Variants in LRP1 observed in about 807,000 individuals in gnomAD.
The protein encoded by LRP1 is prolow-density lipoprotein receptor-related protein 1.
LRP1 carries 51 observed loss-of-function variants against 541.5 expected under a neutral mutation model. The observed-to-expected ratio is 0.09, with a 90% CI of 0.08 to 0.12. The LOEUF is 0.12. Among genes scored for constraint, LRP1 ranks in the 10% least tolerant of loss-of-function variants. LRP1 has a pLI of 1.00. For missense variants in LRP1, 3,878 were observed against 6,376.2 expected (o/e 0.61, Z 13.34); for synonymous variants, 2,219 against 2,470.8 (o/e 0.90, Z 3.02).
Position 57,173,172 on chromosome 12 carries a change from G to C in LRP1, c.3168G>C (p.Thr1056=), listed in dbSNP as rs755203920. The change falls in exon 21 of 89, where the codon ACG becomes ACC. Residue 1056 remains threonine, a synonymous_variant. Coordinates refer to ENST00000243077, the MANE Select transcript of LRP1 (RefSeq NM_002332.3). The surrounding 1 kb of genome is among the most constrained non-coding windows in gnomAD (Gnocchi z 4.7). ...CCCTCCACTGTCCCTCTGCAGCCAC[G>C]AGGCCCCCTGGTGGCTGCCACACTG... ...ETHANCTNQA[T]RPPGGCHTDE... 2.5e-6 allele frequency: 4 copies of C among 1,604,748 alleles called. No individual in the cohort carries two copies. Among genetic ancestry groups the C allele is most frequent in the South Asian group, 1.1e-5 (1 of 90,700 alleles).
rs142648527 is a variant in LRP1 at position 57,199,938 on chromosome 12, C to T, written c.9927C>T (p.Pro3309=). ...GCAGCAACCTGTGCCTGCTGTCCCC[C>T]GGGGGAGGGCACAAATGTGCCTGCC... is the stretch of plus-strand genomic sequence containing the variant. ...GGCSNLCLLS[P]GGGHKCACPT... is the part of the protein sequence containing the mutation. The change falls in exon 62 of 89, where the codon CCC becomes CCT. Residue 3309 remains proline, a synonymous_variant. Coordinates refer to ENST00000243077, the MANE Select transcript of LRP1 (RefSeq NM_002332.3). 6.1e-5 allele frequency: 97 copies of T among 1,594,816 alleles called. No individual in the cohort carries two copies. Among genetic ancestry groups the T allele is most frequent in the African/African-American group, 4.1e-4 (30 of 73,682 alleles).
Position 57,191,341 on chromosome 12 carries a change from G to C in LRP1, c.7258G>C (p.Val2420Leu). Residue 2420 changes from valine (V) to leucine (L), a missense_variant, in exon 44 of 89, where the codon GTC (valine) becomes CTC (leucine). Coordinates refer to ENST00000243077, the MANE Select transcript of LRP1 (RefSeq NM_002332.3). ...HRYVILKSEP[V>L]HPFGLAVYGE... ...ACAGGTGATCCTAAAGTCAGAGCCT[G>C]TCCACCCCTTCGGGCTGGCCGTGTA... 6.2e-7 allele frequency: 1 copy of C among 1,608,344 alleles called. No individual in the cohort carries two copies. The highest frequency in any genetic ancestry group is 8.5e-7 in the Non-Finnish European group (1 of 1,175,650).
Position 57,187,254 on chromosome 12 carries a change from T to C in LRP1, c.6842-13T>C, listed in dbSNP as rs1278972734. The C allele has an allele frequency of 7.5e-6, 12 of 1,606,452 alleles. No individual in the cohort carries two copies. Among genetic ancestry groups the C allele is most frequent in the Admixed American group, 1.7e-5 (1 of 59,646 alleles). On this transcript the variant is annotated splice_polypyrimidine_tract_variant and intron_variant, in intron 41 of 88. Transcript: ENST00000243077. ...GGCCCTCCTGACAAATCGCTGCTCC[T>C]GTCTCTTCACAGACGTGGGCTCCGT...
In LRP1 at chr12:57,201,933, A is replaced by T; in HGVS notation, c.10594+28A>T. 3 of 1,613,186 alleles carry T rather than the reference A, an allele frequency of 1.9e-6. No individual in the cohort carries two copies. The highest frequency in any genetic ancestry group is 2.5e-6 in the Non-Finnish European group (3 of 1,179,630). Reference sequence around the variant, plus strand: ...GAGCCGAGACCCCACTCCAGGAGGAAGACAGTCTACCTGGGTGGGAGGCAT... The same window carrying T: ...GAGCCGAGACCCCACTCCAGGAGGATGACAGTCTACCTGGGTGGGAGGCAT... On this transcript the variant is annotated intron_variant, in intron 67 of 88. Coordinates refer to ENST00000243077, the MANE Select transcript of LRP1 (RefSeq NM_002332.3). The surrounding 1 kb of genome is among the most constrained non-coding windows in gnomAD (Gnocchi z 6.4).
Position 57,200,826 on chromosome 12 carries a change from G to GTCCCCCC in LRP1, c.10225+11_10225+12insTCCCCCC. 3 of 1,581,436 alleles carry GTCCCCCC rather than the reference G, an allele frequency of 1.9e-6. No homozygotes were observed. The highest frequency in any genetic ancestry group is 2.2e-5 in the South Asian group (2 of 89,998). ...ACGAGGCCAACTGTGGTAAGGCGCT[G>GTCCCCCC]CCCGCCCACCCTCCCTCCTTCCCCA... On this transcript the variant is annotated intron_variant, in intron 64 of 88. Coordinates refer to ENST00000243077, the MANE Select transcript of LRP1 (RefSeq NM_002332.3).
intron 46 of LRP1, 68 bp downstream of exon 46, chr12:57,193,372 T>A: frequency 6.3e-7 from 1 of 1,585,786 alleles, no homozygotes; most frequent in Non-Finnish European, 8.6e-7. Flanking sequence ...CCCAGGCCCC[T>A]GCAGGATGGA....
Position 57,138,808 on chromosome 12 carries a change from C to T in LRP1, c.190+227C>T, listed in dbSNP as rs57162703. Among the ~76,000 whole-genome samples, 875 of 152,350 alleles carry T rather than the reference C, an allele frequency of 5.7e-3. 13 individuals are homozygous for T. Among genetic ancestry groups the T allele is most frequent in the African/African-American group, 0.02 (839 of 41,584 alleles). On this transcript the variant is annotated intron_variant, in intron 2 of 88. Coordinates refer to ENST00000243077, the MANE Select transcript of LRP1 (RefSeq NM_002332.3). ...CCTCAGATTTCTCCCTCAAGTGCTG[C>T]ACCCCAAGACAGTGTTCTCTGGGCT...
rs766547899 is a variant in LRP1 at position 57,185,645 on chromosome 12, C to T, written c.6578C>T (p.Ser2193Leu). 1.3e-5 allele frequency: 21 copies of T among 1,612,636 alleles called. No homozygotes were observed. In the African/African-American group the frequency reaches 1.3e-4, roughly 10 times the overall value. ...AHGMLAEDGA[S>L]CREYAGYLLY... ...GGGATGCTGGCTGAAGACGGAGCAT[C>T]GTGCCGCGAGTATGCCGGCTACCTG... The change falls in exon 41 of 89, where the codon TCG becomes TTG. Residue 2193 changes from serine (S) to leucine (L), a missense_variant. Coordinates refer to ENST00000243077, the MANE Select transcript of LRP1 (RefSeq NM_002332.3). This position sits in a 1 kb window ranked among gnomAD's most constrained non-coding sequence, Gnocchi z 4.9.
intron 46 of LRP1, 101 bp from the exon 47 acceptor site, chr12:57,193,465 T>C (rs2036458520): frequency 6.5e-7 from 1 of 1,531,846 alleles, no homozygotes; most frequent in African/African-American, 1.4e-5. Context: ...ACTGGGCCTT[T>C]GGGTTTGGGG....
In LRP1 at chr12:57,204,794, A is replaced by C. The variant is rs543103429; in HGVS notation, c.11194+45A>C. Reference sequence around the variant, plus strand: ...GAGGCCTGCAGGGGACGGGTAGTGCACAGTGGGGTGAGTCTGGTCCTCGTG... The same window carrying C: ...GAGGCCTGCAGGGGACGGGTAGTGCCCAGTGGGGTGAGTCTGGTCCTCGTG... On this transcript the variant is annotated intron_variant, in intron 72 of 88. Transcript: ENST00000243077. This position sits in a 1 kb window ranked among gnomAD's most constrained non-coding sequence, Gnocchi z 5.3. 398 of 1,607,612 alleles carry C rather than the reference A, an allele frequency of 2.5e-4. 7 individuals carry two copies. In the South Asian group the frequency reaches 4.2e-3, roughly 17 times the overall value.
chr12:57,198,621 C>T lies in LRP1; in HGVS notation c.9627C>T (p.Arg3209=), dbSNP rs748134816. 1.3e-5 allele frequency: 21 copies of T among 1,613,276 alleles called. No individual in the cohort carries two copies. In the Admixed American group the frequency reaches 2.0e-4, roughly 15 times the overall value. The change falls in exon 60 of 89, where the codon CGC becomes CGT. Residue 3209 remains arginine, a synonymous_variant. Coordinates refer to ENST00000243077, the MANE Select transcript of LRP1 (RefSeq NM_002332.3). The part of the protein sequence containing the change: ...VTERIYWADA[R]EDYIEFASLD... ...AGCGCATCTACTGGGCCGACGCCCG[C>T]GAGGACTACATTGAATTTGCCAGCC... is the stretch of plus-strand genomic sequence containing the variant.
chr12:57,140,235 T>G (rs1440115683), intron 2 of LRP1, among the ~76,000 whole-genome samples: 1 of 152,164 alleles, frequency 6.6e-6, no homozygotes, highest in Non-Finnish European at 1.5e-5. Context: ...CCACCATGCC[T>G]GGCCAGACCA....
rs760287710 is a variant in LRP1 at position 57,193,619 on chromosome 12, T to C, written c.7738T>C (p.Ser2580Pro). 9.3e-6 allele frequency: 15 copies of C among 1,614,168 alleles called. No individual in the cohort carries two copies. The highest frequency in any genetic ancestry group is 1.2e-5 in the Non-Finnish European group (14 of 1,180,026). Residue 2580 changes from serine (S) to proline (P), a missense_variant, in exon 47 of 89, where the codon TCC becomes CCC. Ser to Pro is a moderately conservative substitution (Grantham distance 74). Around this residue, in one of 13 missense-constraint regions of LRP1, gnomAD observed 1,100 missense variants for 1,827.4 expected, o/e 0.60. Transcript: ENST00000243077. The stretch of plus-strand genomic sequence containing the variant: ...GCAGTGCAGCAATGGGCGCTGTGTG[T>C]CCAACATGCTGTGGTGCAACGGGGC... ...FRQCSNGRCV[S>P]NMLWCNGADD...
chr12:57,149,867 C>G (rs544998166), intron 6 of LRP1: 6 of 657,248 alleles, frequency 9.1e-6, no homozygotes, highest in South Asian at 5.0e-5. Flanking sequence ...TCCTCAGACT[C>G]TCCGCCATCT....
rs1170739120 is a variant in LRP1, at chr12:57,201,190, G to A, written c.10345+37G>A. 9 of 1,611,722 alleles carry A rather than the reference G, an allele frequency of 5.6e-6. No homozygotes were observed. The East Asian group carries it at 2.0e-4, about 36-fold the overall frequency. ...AGGTGGTGGTGGGCCGGTGGTGGGA[G>A]ATGACACGGAAGCAGGGCAGGCAGA... is the stretch of plus-strand genomic sequence containing the variant. On this transcript the variant is annotated intron_variant, in intron 65 of 88. Transcript: ENST00000243077. The surrounding 1 kb of genome is among the most constrained non-coding windows in gnomAD (Gnocchi z 6.4).
At position 57,179,102 on chromosome 12, in the gene LRP1, T is replaced by C; in HGVS notation, c.4738+81T>C. The C allele has an allele frequency of 6.5e-7, 1 of 1,540,628 alleles. No individual in the cohort carries two copies. The highest frequency in any genetic ancestry group is 1.4e-5 in the African/African-American group (1 of 72,588). ...AGGCCCCAGGATCCCGGTTGTCAGCTAAGGCAGAGTCCCAGTCGGGAGGGT... is the reference window on the plus strand; with the variant it reads ...AGGCCCCAGGATCCCGGTTGTCAGCCAAGGCAGAGTCCCAGTCGGGAGGGT... On this transcript the variant is annotated intron_variant, in intron 28 of 88. Coordinates refer to ENST00000243077, the MANE Select transcript of LRP1 (RefSeq NM_002332.3). This position sits in a 1 kb window ranked among gnomAD's most constrained non-coding sequence, Gnocchi z 6.8.
In LRP1 at chr12:57,200,799, T is replaced by C. The variant is rs1424206277; in HGVS notation, c.10209T>C (p.Ser3403=). Residue 3403 remains serine (S), a synonymous_variant, in exon 64 of 89, where the codon AGT becomes AGC. Coordinates refer to ENST00000243077, the MANE Select transcript of LRP1 (RefSeq NM_002332.3). ...GCGACAATGACTGCCAGGACAACAGTGACGAGGCCAACTGTGGTAAGGCGC... is the reference window on the plus strand; with the variant it reads ...GCGACAATGACTGCCAGGACAACAGCGACGAGGCCAACTGTGGTAAGGCGC... ...CDGDNDCQDN[S]DEANCDIHVC... 6.2e-7 allele frequency: 1 copy of C among 1,613,670 alleles called. No individual in the cohort carries two copies. The highest frequency in any genetic ancestry group is 8.5e-7 in the Non-Finnish European group (1 of 1,179,984).
chr12:57,180,282 TC>T, intron 31 of LRP1, 47 bp from the exon 32 acceptor site: 1 of 1,607,424 alleles, frequency 6.2e-7, no homozygotes, highest in Non-Finnish European at 8.5e-7. Context: ...CTTCCCTGGA[TC>T]CCCAGCCCTG....
At chr12:57,193,056 G>A (rs568278143) in intron 45 of LRP1, 86 bp downstream of exon 45, 5 of 1,583,096 alleles carry the variant, frequency 3.2e-6, no homozygotes, top group Non-Finnish European at 3.4e-6. Flanking sequence ...CTCCAGCCCA[G>A]CCCCCCAAAG....
Sources: allele counts gnomAD v4.1 joint callset (sites outside exome capture counted in the v4.1 genomes callset), GRCh38; gene constraint gnomAD v4.1.1; regional missense constraint gnomAD v4.1.1; non-coding constraint Gnocchi (gnomAD v3.1); transcripts MANE v1.5; gene names NCBI Gene and HGNC (gene_info 2026-07-23, HGNC 2026-07-21).